Variants in PAN3 observed in about 807,000 individuals in gnomAD.
PAN3 encodes the protein poly(A) specific ribonuclease subunit PAN3, also known as PAN2-PAN3 deadenylation complex subunit PAN3.
A neutral mutation model predicts 96.2 loss-of-function variants in PAN3; 19 were observed. The ratio of observed to expected loss-of-function variants is 0.20; its 90% CI spans 0.14 to 0.29. The LOEUF is 0.29. Among genes scored for constraint, PAN3 ranks in the 10% least tolerant of loss-of-function variants. PAN3 has a pLI of 1.00. For synonymous variants in PAN3, 433 were observed against 406.6 expected, an observed-to-expected ratio of 1.06 and a Z score of -0.78; for missense variants, 882 against 1,108.1, an observed-to-expected ratio of 0.80 and a Z score of 2.90.
intron 1 of PAN3, among the ~76,000 whole-genome samples, chr13:28,160,098 C>T (rs972076201): frequency 1.3e-5 from 2 of 151,942 alleles, no homozygotes; most frequent in African/African-American, 4.8e-5. Context: ...TACGCCACCA[C>T]GCCTGGCCAA....
chr13:28,158,879 GAAAA>G (rs373914232), intron 1 of PAN3, among the ~76,000 whole-genome samples: 1 of 105,138 alleles, frequency 9.5e-6, no homozygotes, highest in African/African-American at 3.6e-5. Context: ...CTCCATCTCA[GAAAA>G]AAAAAAAAAA....
At position 28,295,315 on chromosome 13, in the gene PAN3, A is replaced by G. The variant is rs1432398565; in HGVS notation, c.*2793A>G. 1 of 152,214 alleles carries G rather than the reference A, an allele frequency of 6.6e-6. No individual in the cohort carries two copies. Among genetic ancestry groups the G allele is most frequent in the African/African-American group, 2.4e-5 (1 of 41,460 alleles). The allele number at this position is 152,214 out of a possible 1,614,324, so 9.4% of individuals were successfully genotyped here. On this transcript the variant is annotated 3_prime_UTR_variant, in exon 19 of 19. Transcript: ENST00000380958. ...CTCTATGTGTACAGCAGTATTTTTA[A>G]TAAAGAATTACAGAGATAAATTTGT... is the stretch of plus-strand genomic sequence containing the variant.
At chr13:28,182,056 A>G (rs1461719292) in intron 4 of PAN3, among the ~76,000 whole-genome samples, 1 of 152,256 alleles carries the variant, frequency 6.6e-6, no homozygotes. Context: ...TTTGAGAGTC[A>G]CTGAATCACA....
intron 1 of PAN3, among the ~76,000 whole-genome samples, chr13:28,144,120 C>CA (rs1210419158): frequency 6.9e-6 from 1 of 145,068 alleles, no homozygotes; most frequent in African/African-American, 2.5e-5. Context: ...ACAACAGCAA[C>CA]AAAAAAACAT....
At position 28,293,814 on chromosome 13, in the gene PAN3, A is replaced by G. The variant is rs1870053530; in HGVS notation, c.*1292A>G. ...TACTGAAGACTGCCAAATACATAGGAATTTTCTTTCTTAAAAAACAGTAAT... is the reference window on the plus strand; with the variant it reads ...TACTGAAGACTGCCAAATACATAGGGATTTTCTTTCTTAAAAAACAGTAAT... On this transcript the variant is annotated 3_prime_UTR_variant, in exon 19 of 19. Coordinates refer to ENST00000380958, the MANE Select transcript of PAN3 (RefSeq NM_175854.8). 6.6e-6 allele frequency: 1 copy of G among 152,558 alleles called. No individual in the cohort carries two copies. Among genetic ancestry groups the G allele is most frequent in the Non-Finnish European group, 1.5e-5 (1 of 68,030 alleles). The allele number at this position is 152,558 out of a possible 1,614,324, so 9.5% of individuals were successfully genotyped here. A position where few individuals can be genotyped will look rare whatever the true frequency, so the allele number is the denominator to read the frequency against.
intron 4 of PAN3, among the ~76,000 whole-genome samples, chr13:28,195,395 C>T (rs1025751890): frequency 6.6e-6 from 1 of 152,110 alleles, no homozygotes; most frequent in South Asian, 2.1e-4. Context: ...CAGAATGAGA[C>T]ACTGTCTCAA....
intron 15 of PAN3, 69 bp downstream of exon 15, chr13:28,277,445 A>T: frequency 6.7e-7 from 1 of 1,492,668 alleles, no homozygotes; most frequent in Non-Finnish European, 9.0e-7. Context: ...TTTTTGTTTT[A>T]AGTGATTGTT....
At chr13:28,142,511 A>AT (rs74881179) in intron 1 of PAN3, among the ~76,000 whole-genome samples, 3,695 of 126,654 alleles carry the variant, frequency 0.029, 70 homozygotes, top group Non-Finnish European at 0.037. Context: ...ATAGATGGCA[A>AT]TTTTTTTTTT....
At chr13:28,173,477 T>G (rs1166538856) in intron 1 of PAN3, among the ~76,000 whole-genome samples, 4 of 152,196 alleles carry the variant, frequency 2.6e-5, no homozygotes, top group African/African-American at 9.6e-5. Context: ...TTTTGGGAAA[T>G]AAATTTTAAA....
intron 6 of PAN3, among the ~76,000 whole-genome samples, chr13:28,234,329 G>A (rs1882877368): frequency 6.6e-6 from 1 of 152,078 alleles, no homozygotes; most frequent in South Asian, 2.1e-4. Flanking sequence ...CCAAAGTGCT[G>A]AGATTACTGG....
chr13:28,281,460 A>G (rs1887461229), intron 17 of PAN3, 81 bp downstream of exon 17: 1 of 1,276,390 alleles, frequency 7.8e-7, no homozygotes, highest in African/African-American at 1.5e-5. Flanking sequence ...GCCTGGCTTT[A>G]TTTGGAAAAA....
chr13:28,167,781 T>C (rs1344548984), intron 1 of PAN3, among the ~76,000 whole-genome samples: 1 of 152,034 alleles, frequency 6.6e-6, no homozygotes, highest in Non-Finnish European at 1.5e-5. Flanking sequence ...GAGTCCGAGG[T>C]TGCAGTGAGC....
intron 5 of PAN3, among the ~76,000 whole-genome samples, chr13:28,198,452 A>G (rs1012287443): frequency 2.0e-5 from 3 of 152,216 alleles, no homozygotes; most frequent in Admixed American, 1.3e-4. Flanking sequence ...ACTAACTTCA[A>G]TAGTATGTTG....
intron 1 of PAN3, among the ~76,000 whole-genome samples, chr13:28,158,028 C>G (rs1269742501): frequency 6.6e-6 from 1 of 152,082 alleles, no homozygotes; most frequent in Non-Finnish European, 1.5e-5. Context: ...GAATAGAGAG[C>G]CCAGAAATAA....
At chr13:28,208,412 G>A (rs1364963317) in intron 5 of PAN3, among the ~76,000 whole-genome samples, 1 of 152,138 alleles carries the variant, frequency 6.6e-6, no homozygotes, top group African/African-American at 2.4e-5. Flanking sequence ...GGTATGCCCT[G>A]TGATTATGAA....
chr13:28,244,910 G>A (rs565854968), intron 6 of PAN3, among the ~76,000 whole-genome samples: 11 of 151,902 alleles, frequency 7.2e-5, no homozygotes, highest in South Asian at 4.2e-4. Context: ...GTGCAGTGGC[G>A]CGATCTTGGC....
chr13:28,223,539 A>T (rs961965800), intron 6 of PAN3, among the ~76,000 whole-genome samples: 1 of 151,532 alleles, frequency 6.6e-6, no homozygotes, highest in African/African-American at 2.4e-5. Context: ...TCCAAAATTT[A>T]AGAACCACTG....
chr13:28,233,029 C>T (rs1237446142), intron 6 of PAN3, among the ~76,000 whole-genome samples: 1 of 151,788 alleles, frequency 6.6e-6, no homozygotes, highest in Non-Finnish European at 1.5e-5. Context: ...TCTTGAGTAG[C>T]TTAATAGATA....
At chr13:28,281,141 A>G (rs183718197) in intron 16 of PAN3, among the ~76,000 whole-genome samples, 174 bp from the exon 17 acceptor site, 1 of 152,338 alleles carries the variant, frequency 6.6e-6, no homozygotes, top group Admixed American at 6.5e-5. Flanking sequence ...GAGTACCATT[A>G]TGAAATGAAA....
Sources: gnomAD v4.1 joint callset for allele counts (sites outside exome capture counted in the v4.1 genomes callset) on GRCh38, gnomAD v4.1.1 for gene constraint, MANE v1.5 for transcripts, NCBI Gene and HGNC (gene_info 2026-07-23, HGNC 2026-07-21) for gene names.